The following CD164L2 variants were observed in gnomAD, a reference collection of about 807,000 sequenced individuals.
The protein encoded by CD164L2 is CD164 sialomucin-like 2 protein.
CD164L2 carries 21 observed loss-of-function variants against 23.9 expected under a neutral mutation model. The observed-to-expected ratio is 0.88, with a 90% CI of 0.62 to 1.27. The LOEUF (loss-of-function observed/expected upper bound fraction) is 1.27, where lower values mean the gene tolerates loss of function less well. Ranked by LOEUF, CD164L2 falls within the 50% of genes most tolerant of loss-of-function variation. The pLI, the probability that CD164L2 is intolerant of heterozygous loss-of-function variation, is 0.00. For missense variants in CD164L2, 230 were observed against 224.8 expected (o/e 1.02, Z -0.15); for synonymous variants, 92 against 90.2 (o/e 1.02, Z -0.11).
intron 1 of CD164L2, 93 bp from the exon 2 acceptor site, chr1:27,382,760 C>T (rs1264467551): frequency 2.2e-6 from 3 of 1,352,118 alleles, no homozygotes; most frequent in Non-Finnish European, 3.0e-6. Context: ...TGGCCCTCGC[C>T]CCTCTGCACA....
Position 27,380,107 on chromosome 1 carries a change from C to T in CD164L2, c.462G>A (p.Ala154=), listed in dbSNP as rs184338267. Residue 154 remains alanine, a synonymous_variant, in exon 5 of 6, where the codon GCG becomes GCA. Coordinates refer to ENST00000374030, the MANE Select transcript of CD164L2 (RefSeq NM_001330448.1). Reference sequence around the variant, plus strand: ...GGAAGTGCAGCACAAAGAAAGCCACCGCCTGTAGGCTCAACACCAGCACGA... The same window carrying T: ...GGAAGTGCAGCACAAAGAAAGCCACTGCCTGTAGGCTCAACACCAGCACGA... ...GGVVLVLSLQ[A]VAFFVLHFLK... 6.7e-5 allele frequency: 108 copies of T among 1,614,074 alleles called. 1 individual carries two copies. The highest frequency in any genetic ancestry group is 5.5e-4 in the Admixed American group (33 of 60,022).
At position 27,382,477 on chromosome 1, in the gene CD164L2, C is replaced by T. The variant is rs758320628; in HGVS notation, c.256+23G>A. ...GGGTTCAGAGCTGGGGGCACTCAAT[C>T]TGGGGAGGGCTCAGCTCCATACCTG... On this transcript the variant is annotated intron_variant, in intron 2 of 5. Coordinates refer to ENST00000374030, the MANE Select transcript of CD164L2 (RefSeq NM_001330448.1). 3.2e-6 allele frequency: 5 copies of T among 1,587,202 alleles called. No individual in the cohort carries two copies. The Admixed American group carries it at 8.5e-5, about 27-fold the overall frequency.
intron 5 of CD164L2, 112 bp from the exon 6 acceptor site, chr1:27,379,621 T>A: frequency 5.8e-6 from 9 of 1,544,558 alleles, no homozygotes; most frequent in Admixed American, 2.0e-5. Context: ...ACACAGGCTG[T>A]GGCGACCCGC....
Position 27,382,385 on chromosome 1 carries a change from G to C in CD164L2, c.271C>G (p.Gln91Glu), listed in dbSNP as rs2016352577. Residue 91 changes from glutamine to glutamate, a missense_variant, in exon 3 of 6, where the codon CAA becomes GAA. By Grantham distance (29) the Gln-to-Glu change is conservative. Transcript: ENST00000374030. ...RPEEPGHCVA[Q>E]SEVVKEGCSI... is the part of the protein sequence containing the mutation. ...CAACCTTCCTTGACCACCTCAGATT[G>C]GGCCACACAGTGTCCTGGTGAGAGA... The C allele has an allele frequency of 6.2e-7, 1 of 1,609,970 alleles. No individual in the cohort carries two copies. Among genetic ancestry groups the C allele is most frequent in the Admixed American group, 1.7e-5 (1 of 59,832 alleles).
chr1:27,379,489 C>G lies in CD164L2; in HGVS notation c.*14G>C. 1 of 1,550,154 alleles carries G rather than the reference C, an allele frequency of 6.5e-7. No individual in the cohort carries two copies. The highest frequency in any genetic ancestry group is 1.4e-5 in the African/African-American group (1 of 73,122). On this transcript the variant is annotated 3_prime_UTR_variant, in exon 6 of 6. Transcript: ENST00000374030. ...CCTCCTTTCCCCTCAGGATGGAGTCCAGGCCCAAAGGGGTCAGATTCTGCA... is the reference window on the plus strand; with the variant it reads ...CCTCCTTTCCCCTCAGGATGGAGTCGAGGCCCAAAGGGGTCAGATTCTGCA...
At position 27,379,206 on chromosome 1, in the gene CD164L2, G is replaced by A. The variant is rs2016292330; in HGVS notation, c.*297C>T. On this transcript the variant is annotated 3_prime_UTR_variant, in exon 6 of 6. Coordinates refer to ENST00000374030, the MANE Select transcript of CD164L2 (RefSeq NM_001330448.1). ...TGCAGAGTTCCTTTATTTGGGGGCA[G>A]TGCCCAGGCCAGTTGGTGGAAAGAG... 2 of 542,646 alleles carry A rather than the reference G, an allele frequency of 3.7e-6. No homozygotes were observed. The highest frequency in any genetic ancestry group is 6.6e-6 in the Non-Finnish European group (2 of 300,782). 33.6% of individuals were successfully genotyped at this position (542,646 alleles called of 1,614,324 possible). A position where few individuals can be genotyped will look rare whatever the true frequency, so the allele number is the denominator to read the frequency against.
chr1:27,382,766 G>A, intron 1 of CD164L2, 99 bp from the exon 2 acceptor site: 1 of 1,200,512 alleles, frequency 8.3e-7, no homozygotes, highest in Non-Finnish European at 1.1e-6. Flanking sequence ...TCGCCCCTCT[G>A]CACACATCTG....
rs2016312036 is a variant in CD164L2, at chr1:27,380,190, G to T, written c.379C>A (p.Pro127Thr). ...GGGCTGTGGGCCTCAGGGACTGGGGGGCTCCCTGCAGGGGTGAGGCAGGGC... is the reference window on the plus strand; with the variant it reads ...GGGCTGTGGGCCTCAGGGACTGGGGTGCTCCCTGCAGGGGTGAGGCAGGGC... ...YEPKTVTTGS[P>T]PVPEAHSPGF... Residue 127 changes from proline to threonine, a missense_variant, in exon 5 of 6, where the codon CCC (proline) becomes ACC (threonine). Pro to Thr is a conservative substitution (Grantham distance 38, BLOSUM62 -1). Transcript: ENST00000374030. 1 of 1,613,990 alleles carries T rather than the reference G, an allele frequency of 6.2e-7. No individual in the cohort carries two copies. Among genetic ancestry groups the T allele is most frequent in the Non-Finnish European group, 8.5e-7 (1 of 1,179,920 alleles).
At position 27,380,207 on chromosome 1, in the gene CD164L2, A is replaced by T. The variant is rs1387772342; in HGVS notation, c.374-12T>A. 3.0e-5 allele frequency: 49 copies of T among 1,611,734 alleles called. No homozygotes were observed. The highest frequency in any genetic ancestry group is 4.1e-5 in the Non-Finnish European group (48 of 1,178,350). ...GACTGGGGGGCTCCCTGCAGGGGTG[A>T]GGCAGGGCAGGGGTCATAGCAGTCA... is the stretch of plus-strand genomic sequence containing the variant. On this transcript the variant is annotated splice_polypyrimidine_tract_variant and intron_variant, in intron 4 of 5. Transcript: ENST00000374030.
At position 27,382,596 on chromosome 1, in the gene CD164L2, A is replaced by C. The variant is rs1447081411; in HGVS notation, c.160T>G (p.Cys54Gly). ...LNIWPAVQGA[C>G]KQLEVCEHCV... ...TGCTCACAGACCTCCAGCTGTTTGC[A>C]GGCCCCTTGGACCGCCGGCCAGATA... The change falls in exon 2 of 6, where the codon TGC becomes GGC. Residue 54 changes from cysteine (C) to glycine (G), a missense_variant. By Grantham distance (159) the Cys-to-Gly change is radical. Transcript: ENST00000374030. 6.2e-7 allele frequency: 1 copy of C among 1,613,232 alleles called. No individual in the cohort carries two copies. The highest frequency in any genetic ancestry group is 2.2e-5 in the East Asian group (1 of 44,878).
rs1333034794 is a variant in CD164L2, at chr1:27,381,790, T to G, written c.363A>C (p.Thr121=). Residue 121 remains threonine (T), a synonymous_variant, in exon 4 of 6, where the codon ACA becomes ACC. Coordinates refer to ENST00000374030, the MANE Select transcript of CD164L2 (RefSeq NM_001330448.1). ...AHHHPTYEPK[T]VTTGSPPVPE... is the part of the protein sequence containing the mutation. ...CCAGGGAGTACTCACCTGTTGTGACTGTCTTCGGTTCATAGGTGGGGTGGT... is the reference window on the plus strand; with the variant it reads ...CCAGGGAGTACTCACCTGTTGTGACGGTCTTCGGTTCATAGGTGGGGTGGT... 1 of 1,614,054 alleles carries G rather than the reference T, an allele frequency of 6.2e-7. No homozygotes were observed. Among genetic ancestry groups the G allele is most frequent in the South Asian group, 1.1e-5 (1 of 91,078 alleles).
rs1398827835 is a variant in CD164L2, at chr1:27,382,614, G to A, written c.142C>T (p.Pro48Ser). 1 of 1,613,086 alleles carries A rather than the reference G, an allele frequency of 6.2e-7. No individual in the cohort carries two copies. The highest frequency in any genetic ancestry group is 2.2e-5 in the East Asian group (1 of 44,880). Residue 48 changes from proline to serine, a missense_variant, in exon 2 of 6, where the codon CCG (proline) becomes TCG (serine). Transcript: ENST00000374030. ...RGALIRLNIW[P>S]AVQGACKQLE... ...TGTTTGCAGGCCCCTTGGACCGCCG[G>A]CCAGATATTCAGGCGGATCAGGGCT... is the stretch of plus-strand genomic sequence containing the variant.
chr1:27,379,464 C>T lies in CD164L2; in HGVS notation c.*39G>A. The T allele has an allele frequency of 7.0e-7, 1 of 1,436,644 alleles. No individual in the cohort carries two copies. Among genetic ancestry groups the T allele is most frequent in the Non-Finnish European group, 9.6e-7 (1 of 1,045,202 alleles). The allele number at this position is 1,436,644 out of a possible 1,614,324, so 89.0% of individuals were successfully genotyped here. A position where few individuals can be genotyped will look rare whatever the true frequency, so the allele number is the denominator to read the frequency against. ...GGTGCCCAGAGGCCACCCTCTGCAT[C>T]CTCCTTTCCCCTCAGGATGGAGTCC... On this transcript the variant is annotated 3_prime_UTR_variant, in exon 6 of 6. Coordinates refer to ENST00000374030, the MANE Select transcript of CD164L2 (RefSeq NM_001330448.1).
chr1:27,382,863 CCA>C (rs2016367040), intron 1 of CD164L2, among the ~76,000 whole-genome samples, 196 bp from the exon 2 acceptor site: 1 of 151,998 alleles, frequency 6.6e-6, no homozygotes, highest in East Asian at 1.9e-4. Flanking sequence ...TAGAGCCTCC[CCA>C]CATTCACCCA....
At chr1:27,379,908 T>C in intron 5 of CD164L2, 143 bp downstream of exon 5, 1 of 1,514,054 alleles carries the variant, frequency 6.6e-7, no homozygotes, top group Non-Finnish European at 8.8e-7. Context: ...ACAAAAGGGG[T>C]GTGGCTCACA....
At chr1:27,380,364 G>C (rs1247693230) in intron 4 of CD164L2, among the ~76,000 whole-genome samples, 169 bp from the exon 5 acceptor site, 1 of 152,160 alleles carries the variant, frequency 6.6e-6, no homozygotes, top group Non-Finnish European at 1.5e-5. Flanking sequence ...GAAGCGCCTG[G>C]TGGGAGGAAC....
chr1:27,382,275 G>T, intron 3 of CD164L2, 53 bp downstream of exon 3: 6 of 1,614,138 alleles, frequency 3.7e-6, no homozygotes, highest in Non-Finnish European at 5.1e-6. Flanking sequence ...TGGGGGGCAG[G>T]CTATGGCTGG....
In CD164L2 at chr1:27,379,372, G is replaced by A. The variant is rs2016295564; in HGVS notation, c.*131C>T. Reference sequence around the variant, plus strand: ...AGGCATCAGACACTGAGCCTGCTTGGTGCCCGCAGGAGCCAAAAACTGGCG... The same window carrying A: ...AGGCATCAGACACTGAGCCTGCTTGATGCCCGCAGGAGCCAAAAACTGGCG... On this transcript the variant is annotated 3_prime_UTR_variant, in exon 6 of 6. Transcript: ENST00000374030. 1.3e-6 allele frequency: 1 copy of A among 798,892 alleles called. No homozygotes were observed. The highest frequency in any genetic ancestry group is 2.1e-6 in the Non-Finnish European group (1 of 473,286). The allele number at this position is 798,892 out of a possible 1,614,324, so 49.5% of individuals were successfully genotyped here.
At position 27,379,491 on chromosome 1, in the gene CD164L2, G is replaced by A. The variant is rs1474277351; in HGVS notation, c.*12C>T. The A allele has an allele frequency of 6.5e-7, 1 of 1,549,530 alleles. No individual in the cohort carries two copies. Among genetic ancestry groups the A allele is most frequent in the Admixed American group, 2.0e-5 (1 of 50,944 alleles). ...TCCTTTCCCCTCAGGATGGAGTCCA[G>A]GCCCAAAGGGGTCAGATTCTGCAGA... On this transcript the variant is annotated 3_prime_UTR_variant, in exon 6 of 6. Transcript: ENST00000374030.
Sources: allele counts gnomAD v4.1 joint callset (sites outside exome capture counted in the v4.1 genomes callset), GRCh38; gene constraint gnomAD v4.1.1; transcripts MANE v1.5; gene names NCBI Gene and HGNC (gene_info 2026-07-23, HGNC 2026-07-21).